The following ZNF292 variants were observed in gnomAD, a reference collection of about 807,000 sequenced individuals.
The protein encoded by ZNF292 is 16 zinc-finger domain protein.
In ZNF292, 26 loss-of-function variants were observed where a neutral mutation model predicts 217.9. The observed-to-expected ratio is 0.12, with a 90% CI of 0.09 to 0.17. The LOEUF (loss-of-function observed/expected upper bound fraction) is 0.17, where lower values mean the gene tolerates loss of function less well. Among genes scored for constraint, ZNF292 ranks in the 10% least tolerant of loss-of-function variants. ZNF292 has a pLI of 1.00. For missense variants in ZNF292, 2,904 were observed against 3,175.2 expected (o/e 0.91, Z 2.05); for synonymous variants, 1,257 against 1,124.1 (o/e 1.12, Z -2.37).
chr6:87,176,759 G>A (rs539145574), intron 1 of ZNF292, among the ~76,000 whole-genome samples: 1 of 152,226 alleles, frequency 6.6e-6, no homozygotes, highest in East Asian at 1.9e-4. Context: ...CTCATCTTCA[G>A]CAGTCATCCA....
intron 1 of ZNF292, among the ~76,000 whole-genome samples, chr6:87,178,358 A>G (rs1771367961): frequency 6.6e-6 from 1 of 152,188 alleles, no homozygotes. Flanking sequence ...AGAAAGGTGA[A>G]TTTTGTGCCT....
In ZNF292 at chr6:87,260,964, G is replaced by C; in HGVS notation, c.7335G>C (p.Lys2445Asn). The C allele has an allele frequency of 6.2e-7, 1 of 1,609,656 alleles. No individual in the cohort carries two copies. Among genetic ancestry groups the C allele is most frequent in the Non-Finnish European group, 8.5e-7 (1 of 1,177,720 alleles). ...AAACGTCTGAGCAAGAAGGTGCTAA[G>C]AATGATGTGAAAGATTCTGACACGT... Reference protein sequence around the residue: ...VKETSEQEGAKNDVKDSDTCV... With the variant: ...VKETSEQEGANNDVKDSDTCV... Residue 2445 changes from lysine to asparagine, a missense_variant, in exon 8 of 8, where the codon AAG (lysine) becomes AAC (asparagine). Transcript: ENST00000369577.
intron 6 of ZNF292, among the ~76,000 whole-genome samples, 174 bp from the exon 7 acceptor site, chr6:87,245,329 G>C (rs1774516769): frequency 6.6e-6 from 1 of 152,088 alleles, no homozygotes; most frequent in East Asian, 1.9e-4. Context: ...ATCATATTCT[G>C]ATTTTATTTG....
At chr6:87,238,972 A>T (rs1179815014) in intron 5 of ZNF292, among the ~76,000 whole-genome samples, 2 of 152,246 alleles carry the variant, frequency 1.3e-5, no homozygotes. Flanking sequence ...GACACAGCAC[A>T]TGTTTCAGAG....
At chr6:87,207,086 A>G (rs754433185) in intron 1 of ZNF292, among the ~76,000 whole-genome samples, 1 of 152,216 alleles carries the variant, frequency 6.6e-6, no homozygotes, top group African/African-American at 2.4e-5. Context: ...GGTAGCTGGT[A>G]CATCTTTGAT....
At chr6:87,189,568 G>A (rs1176746250) in intron 1 of ZNF292, among the ~76,000 whole-genome samples, 1 of 151,548 alleles carries the variant, frequency 6.6e-6, no homozygotes, top group Non-Finnish European at 1.5e-5. Context: ...TAATGGCCAT[G>A]TAATGTATTA....
At chr6:87,252,596 CT>C (rs1347763702) in intron 7 of ZNF292, among the ~76,000 whole-genome samples, 5 of 152,172 alleles carry the variant, frequency 3.3e-5, no homozygotes, top group Non-Finnish European at 5.9e-5. Flanking sequence ...TTTTAATCAT[CT>C]TTATGGTTTA....
intron 4 of ZNF292, among the ~76,000 whole-genome samples, chr6:87,224,782 T>C (rs1773260327): frequency 6.6e-6 from 1 of 152,200 alleles, no homozygotes; most frequent in Admixed American, 6.5e-5. Flanking sequence ...CTGTTTTTGA[T>C]GTATGTGCTG....
intron 1 of ZNF292, among the ~76,000 whole-genome samples, chr6:87,214,085 G>A (rs1354210151): frequency 6.6e-6 from 1 of 152,120 alleles, no homozygotes; most frequent in Non-Finnish European, 1.5e-5. Context: ...TCTCTGGATT[G>A]GGATTATATG....
In ZNF292 at chr6:87,203,274, T is replaced by C. The variant is rs368342584; in HGVS notation, c.169-12629T>C. Among the ~76,000 whole-genome samples the C allele has an allele frequency of 3.6e-3, 545 of 151,734 alleles. 4 individuals carry two copies. Among genetic ancestry groups the C allele is most frequent in the African/African-American group, 0.012 (503 of 41,338 alleles). On this transcript the variant is annotated intron_variant, in intron 1 of 7. Coordinates refer to ENST00000369577, the MANE Select transcript of ZNF292 (RefSeq NM_015021.3). ...TCCCACCTCAGCACCCCAGAGTAGC[T>C]GGGACTACAGGCACATGTCACCATA... is the stretch of plus-strand genomic sequence containing the variant.
intron 4 of ZNF292, among the ~76,000 whole-genome samples, chr6:87,230,052 C>G (rs921342655): frequency 6.6e-6 from 1 of 152,130 alleles, no homozygotes; most frequent in Non-Finnish European, 1.5e-5. Context: ...AGTGACACAA[C>G]TAGGTGATAG....
At chr6:87,183,547 A>G (rs1390389890) in intron 1 of ZNF292, among the ~76,000 whole-genome samples, 1 of 152,208 alleles carries the variant, frequency 6.6e-6, no homozygotes, top group East Asian at 1.9e-4. Context: ...AAGGATTGAA[A>G]TTCCATTAAT....
At chr6:87,164,729 C>T (rs1320903259) in intron 1 of ZNF292, among the ~76,000 whole-genome samples, 1 of 151,432 alleles carries the variant, frequency 6.6e-6, no homozygotes, top group Non-Finnish European at 1.5e-5. Context: ...CCCGCCCCAT[C>T]ACTGAGACTT....
Position 87,263,098 on chromosome 6 carries a change from T to C in ZNF292, c.*1297T>C, listed in dbSNP as rs1219607881. The C allele has an allele frequency of 1.3e-5, 2 of 152,024 alleles. No individual in the cohort carries two copies. Among genetic ancestry groups the C allele is most frequent in the Non-Finnish European group, 2.9e-5 (2 of 67,892 alleles). 9.4% of individuals were successfully genotyped at this position (152,024 alleles called of 1,614,324 possible). On this transcript the variant is annotated 3_prime_UTR_variant, in exon 8 of 8. Transcript: ENST00000369577. Reference sequence around the variant, plus strand: ...CAAGAACAGTATTAGTTATAATTATTTTGGTTATTCAGTATATAGTTAGCT... The same window carrying C: ...CAAGAACAGTATTAGTTATAATTATCTTGGTTATTCAGTATATAGTTAGCT...
chr6:87,256,458 C>G lies in ZNF292; in HGVS notation c.2829C>G (p.Leu943=), dbSNP rs200241014. Residue 943 remains leucine (L), a synonymous_variant, in exon 8 of 8, where the codon CTC becomes CTG. Coordinates refer to ENST00000369577, the MANE Select transcript of ZNF292 (RefSeq NM_015021.3). The stretch of plus-strand genomic sequence containing the variant: ...TAGCTGTGTCCATTAAGGTGTCTCT[C>G]AATCAGGGGATTGAGGATAACTTTG... ...SEVAVSIKVS[L]NQGIEDNFGK... is the part of the protein sequence containing the mutation. 2.5e-6 allele frequency: 4 copies of G among 1,608,380 alleles called. No homozygotes were observed. The South Asian group carries it at 3.3e-5, about 13-fold the overall frequency.
Position 87,256,257 on chromosome 6 carries a change from T to G in ZNF292, c.2628T>G (p.Asn876Lys). 1 of 1,613,762 alleles carries G rather than the reference T, an allele frequency of 6.2e-7. No individual in the cohort carries two copies. The highest frequency in any genetic ancestry group is 8.5e-7 in the Non-Finnish European group (1 of 1,179,810). The change falls in exon 8 of 8, where the codon AAT becomes AAG. Residue 876 changes from asparagine (N) to lysine (K), a missense_variant. Physicochemically the swap from Asn to Lys is moderately conservative, Grantham distance 94 (BLOSUM62 0). Coordinates refer to ENST00000369577, the MANE Select transcript of ZNF292 (RefSeq NM_015021.3). ...EKERSMLPSE[N>K]NIENSLLADR... Reference sequence around the variant, plus strand: ...AAAGATCTATGCTTCCTTCAGAAAATAACATTGAAAACAGCTTACTAGCAG... The same window carrying G: ...AAAGATCTATGCTTCCTTCAGAAAAGAACATTGAAAACAGCTTACTAGCAG...
intron 7 of ZNF292, chr6:87,249,441 T>C (rs1217590705): frequency 1.1e-5 from 3 of 275,206 alleles, no homozygotes; most frequent in South Asian, 6.1e-5. Context: ...GCAGCAGCCT[T>C]CTTGACAGGG....
intron 1 of ZNF292, among the ~76,000 whole-genome samples, chr6:87,212,381 C>G (rs117628161): frequency 3.9e-5 from 6 of 152,086 alleles, no homozygotes; most frequent in African/African-American, 1.4e-4. Flanking sequence ...CAATCTCTGC[C>G]CCTTTACCTC....
At position 87,240,921 on chromosome 6, in the gene ZNF292, CT is replaced by C. The variant is rs1461725023; in HGVS notation, c.742-2552del. Among the ~76,000 whole-genome samples, 36 of 152,332 alleles carry C rather than the reference CT, an allele frequency of 2.4e-4. 1 individual carries two copies. The highest frequency in any genetic ancestry group is 3.4e-3 in the Middle Eastern group (1 of 294). On this transcript the variant is annotated intron_variant, in intron 5 of 7. Coordinates refer to ENST00000369577, the MANE Select transcript of ZNF292 (RefSeq NM_015021.3). Reference sequence around the variant, plus strand: ...TATGAAGCTAAACTTAGGTTGACATCTTGACTTTGCCACTAAGTGCATAACT... The same window carrying C: ...TATGAAGCTAAACTTAGGTTGACATCTGACTTTGCCACTAAGTGCATAACT...
Sources: allele counts gnomAD v4.1 joint callset (sites outside exome capture counted in the v4.1 genomes callset), GRCh38; gene constraint gnomAD v4.1.1; transcripts MANE v1.5; gene names NCBI Gene and HGNC (gene_info 2026-07-23, HGNC 2026-07-21).